Variants in PSPC1 observed in about 807,000 individuals in gnomAD.
PSPC1 encodes paraspeckle component 1.
PSPC1 carries 14 observed loss-of-function variants against 51.6 expected under a neutral mutation model. That is an observed-to-expected ratio of 0.27 (90% confidence interval 0.18 to 0.42). The LOEUF (loss-of-function observed/expected upper bound fraction) is 0.42. Among genes scored for constraint, PSPC1 ranks in the 10% least tolerant of loss-of-function variants. The pLI is 1.00. For synonymous variants in PSPC1, 193 were observed against 231.9 expected (o/e 0.83, Z 1.53); for missense variants, 406 against 701.1 (o/e 0.58, Z 4.75).
chr13:19,718,500 G>A (rs923607762), intron 6 of PSPC1, among the ~76,000 whole-genome samples: 1 of 152,142 alleles, frequency 6.6e-6, no homozygotes, highest in African/African-American at 2.4e-5. Flanking sequence ...GCCAAGATGC[G>A]ATGCAACAAG....
rs535151231 is a variant in PSPC1, at chr13:19,757,914, T to G, written c.770+1409A>C. On this transcript the variant is annotated intron_variant, in intron 3 of 8. Coordinates refer to ENST00000338910, the MANE Select transcript of PSPC1 (RefSeq NM_001354909.2). ...GCAGTCCATCTAGGGAATGGGACTG[T>G]GAGGCCATACTTGTGAAACATCTGG... Among the ~76,000 whole-genome samples, 3 of 152,294 alleles carry G rather than the reference T, an allele frequency of 2.0e-5. No homozygotes were observed. The East Asian group carries it at 5.8e-4, about 29-fold the overall frequency.
intron 6 of PSPC1, among the ~76,000 whole-genome samples, chr13:19,686,059 C>T (rs1216536251): frequency 6.6e-6 from 1 of 152,220 alleles, no homozygotes; most frequent in African/African-American, 2.4e-5. Flanking sequence ...ACTCTCCTGA[C>T]TGATCTAAGT....
chr13:19,750,035 A>G (rs1159329529), intron 4 of PSPC1, among the ~76,000 whole-genome samples: 2 of 152,182 alleles, frequency 1.3e-5, no homozygotes, highest in East Asian at 3.9e-4. Context: ...AAATACTAGA[A>G]CACACATAAC....
downstream of PSPC1, among the ~76,000 whole-genome samples, chr13:19,671,464 A>G (rs1400670069): frequency 6.6e-6 from 1 of 151,624 alleles, no homozygotes; most frequent in Admixed American, 6.6e-5. Context: ...GTTAGACATA[A>G]TAATGCGGCA....
intron 3 of PSPC1, among the ~76,000 whole-genome samples, chr13:19,751,976 T>G (rs1391420124): frequency 6.6e-6 from 1 of 152,176 alleles, no homozygotes; most frequent in Non-Finnish European, 1.5e-5. Flanking sequence ...GAGAATGGCA[T>G]GAACCCAGGA....
At chr13:19,740,363 T>C (rs1289859535) in intron 5 of PSPC1, among the ~76,000 whole-genome samples, 2 of 151,580 alleles carry the variant, frequency 1.3e-5, no homozygotes, top group Admixed American at 1.3e-4. Context: ...AAAGAATGAA[T>C]TGGGTAGAGT....
In PSPC1 at chr13:19,782,242, G is replaced by A. The variant is rs1483050479; in HGVS notation, c.372+144C>T. Reference sequence around the variant, plus strand: ...CCGAGCTGGGGAAGCGGCCAACCCCGCACAGAGGAATCGATGAGGCCGAGC... The same window carrying A: ...CCGAGCTGGGGAAGCGGCCAACCCCACACAGAGGAATCGATGAGGCCGAGC... On this transcript the variant is annotated intron_variant, in intron 1 of 8. Coordinates refer to ENST00000338910, the MANE Select transcript of PSPC1 (RefSeq NM_001354909.2). The surrounding 1 kb of genome is among the most constrained non-coding windows in gnomAD (Gnocchi z 4.5). 3 of 1,311,316 alleles carry A rather than the reference G, an allele frequency of 2.3e-6. No individual in the cohort carries two copies. The highest frequency in any genetic ancestry group is 3.0e-6 in the Non-Finnish European group (3 of 994,684). The allele number at this position is 1,311,316 out of a possible 1,614,324, so 81.2% of individuals were successfully genotyped here. A position where few individuals can be genotyped will look rare whatever the true frequency, so the allele number is the denominator to read the frequency against.
intron 6 of PSPC1, among the ~76,000 whole-genome samples, chr13:19,723,882 G>T (rs1883061794): frequency 6.6e-6 from 1 of 152,096 alleles, no homozygotes; most frequent in Non-Finnish European, 1.5e-5. Context: ...TTACATATGA[G>T]ACCATTGCAA....
intron 1 of PSPC1, among the ~76,000 whole-genome samples, chr13:19,779,495 G>T (rs1397780579): frequency 2.4e-5 from 1 of 41,750 alleles, no homozygotes; most frequent in African/African-American, 8.5e-5. Flanking sequence ...CACCCCGTCC[G>T]GGAGGGAGAT....
intron 4 of PSPC1, among the ~76,000 whole-genome samples, chr13:19,749,729 C>T (rs1438309725): frequency 6.6e-6 from 1 of 150,886 alleles, no homozygotes; most frequent in African/African-American, 2.4e-5. Context: ...ACCTCCACCT[C>T]CTGGGTTCAA....
At chr13:19,714,651 C>T (rs921274123) in intron 6 of PSPC1, among the ~76,000 whole-genome samples, 6 of 152,094 alleles carry the variant, frequency 3.9e-5, no homozygotes, top group Admixed American at 6.6e-5. Context: ...GATACCATCA[C>T]GCCCAGATAA....
chr13:19,763,830 A>G (rs1484048597), intron 2 of PSPC1, among the ~76,000 whole-genome samples: 1 of 152,054 alleles, frequency 6.6e-6, no homozygotes, highest in Non-Finnish European at 1.5e-5. Context: ...GTAAAACCCC[A>G]TCTCTACTAA....
At chr13:19,736,430 TCC>T (rs1884798501) in intron 5 of PSPC1, among the ~76,000 whole-genome samples, 1 of 152,022 alleles carries the variant, frequency 6.6e-6, no homozygotes, top group Non-Finnish European at 1.5e-5. Flanking sequence ...AAGCCTGTAA[TCC>T]CAGCACTTTG....
intron 3 of PSPC1, 95 bp downstream of exon 3, chr13:19,759,224 TATAA>T (rs1887383277): frequency 6.6e-6 from 6 of 905,594 alleles, no homozygotes; most frequent in African/African-American, 1.7e-5. Context: ...ACCCAGATTA[TATAA>T]ATAAACAGAA....
intron 2 of PSPC1, among the ~76,000 whole-genome samples, chr13:19,761,202 G>A (rs1264391946): frequency 6.6e-6 from 1 of 152,064 alleles, no homozygotes; most frequent in African/African-American, 2.4e-5. Context: ...AGGGAAGGCA[G>A]AAGACACCAG....
chr13:19,736,636 T>C (rs1253297272), intron 5 of PSPC1, among the ~76,000 whole-genome samples: 1 of 152,058 alleles, frequency 6.6e-6, no homozygotes, highest in African/African-American at 2.4e-5. Context: ...TGAGCCGAGA[T>C]CGCGCCACTG....
intron 5 of PSPC1, among the ~76,000 whole-genome samples, chr13:19,735,001 C>A (rs9508863): frequency 0.67 from 99,546 of 149,306 alleles, 35,479 homozygotes; most frequent in East Asian, 0.89. Context: ...AACAAACAAA[C>A]AAAAAAAACA....
At chr13:19,674,179 T>TA (rs1208637609), downstream of PSPC1, among the ~76,000 whole-genome samples, 5 of 152,208 alleles carry the variant, frequency 3.3e-5, no homozygotes, top group African/African-American at 9.7e-5. Context: ...TCAATTAACT[T>TA]ACCAGCGGCA....
chr13:19,702,255 A>C (rs1383224995), downstream of PSPC1, among the ~76,000 whole-genome samples: 1 of 152,218 alleles, frequency 6.6e-6, no homozygotes. Context: ...CTGCAGAGTC[A>C]AGCCATCTTT....
Sources: gnomAD v4.1 joint callset for allele counts (sites outside exome capture counted in the v4.1 genomes callset) on GRCh38, gnomAD v4.1.1 for gene constraint, Gnocchi (gnomAD v3.1) non-coding constraint, MANE v1.5 for transcripts, NCBI Gene and HGNC (gene_info 2026-07-23, HGNC 2026-07-21) for gene names.